Variants in FOXP1 observed in about 807,000 individuals in gnomAD.
FOXP1 encodes forkhead box P1.
A neutral mutation model predicts 98.2 loss-of-function variants in FOXP1; 15 were observed. The ratio of observed to expected loss-of-function variants is 0.15; its 90% CI spans 0.10 to 0.24. The LOEUF (loss-of-function observed/expected upper bound fraction) is 0.24. Among genes scored for constraint, FOXP1 ranks in the 10% least tolerant of loss-of-function variants. The pLI, the probability that FOXP1 is intolerant of heterozygous loss-of-function variation, is 1.00. For missense variants in FOXP1, 633 were observed against 848.5 expected (o/e 0.75, Z 3.15); for synonymous variants, 371 against 314.5 (o/e 1.18, Z -1.90).
chr3:71,529,207 C>T (rs1179440241), intron 2 of FOXP1, among the ~76,000 whole-genome samples: 1 of 152,196 alleles, frequency 6.6e-6, no homozygotes, highest in Non-Finnish European at 1.5e-5. Flanking sequence ...AAAAAGTTTT[C>T]AGTTTGTTAG....
chr3:71,256,900 C>T (rs2068672408), intron 5 of FOXP1, among the ~76,000 whole-genome samples: 1 of 152,190 alleles, frequency 6.6e-6, no homozygotes, highest in South Asian at 2.1e-4. Context: ...AAGATACTGG[C>T]ACTTCCTATA....
chr3:71,095,100 G>A (rs371163101), intron 7 of FOXP1, among the ~76,000 whole-genome samples: 1 of 152,218 alleles, frequency 6.6e-6, no homozygotes, highest in South Asian at 2.1e-4. Context: ...ATAGAGCTGC[G>A]TAGGCAGCGA....
chr3:71,046,849 G>T, intron 10 of FOXP1, 93 bp downstream of exon 10: 1 of 1,390,890 alleles, frequency 7.2e-7, no homozygotes, highest in Non-Finnish European at 1.0e-6. Flanking sequence ...ATGTTTTGAT[G>T]GACAATGTCC....
At position 71,174,422 on chromosome 3, in the gene FOXP1, AAAAC is replaced by A. The variant is rs373399480; in HGVS notation, c.180+23776_180+23779del. Among the ~76,000 whole-genome samples, 30 of 152,278 alleles carry A rather than the reference AAAAC, an allele frequency of 2.0e-4. No homozygotes were observed. In the East Asian group the frequency reaches 3.5e-3, roughly 18 times the overall value. On this transcript the variant is annotated intron_variant, in intron 6 of 20. Coordinates refer to ENST00000649528, the MANE Select transcript of FOXP1 (RefSeq NM_001349338.3). ...GGCAACACGGCAAGATCCTGTCTCA[AAAAC>A]AAACAAACAAACAAAGGAAACCAGG...
At chr3:71,109,578 C>T (rs750425476) in intron 7 of FOXP1, among the ~76,000 whole-genome samples, 19 of 152,152 alleles carry the variant, frequency 1.2e-4, no homozygotes, top group Non-Finnish European at 2.2e-4. Flanking sequence ...TTAAGATTTG[C>T]TGTAGGATTT....
chr3:71,104,988 C>A (rs2057303582), intron 7 of FOXP1, among the ~76,000 whole-genome samples: 1 of 152,230 alleles, frequency 6.6e-6, no homozygotes, highest in South Asian at 2.1e-4. Context: ...CCAGTCTACA[C>A]AGTTGTAGAG....
intron 5 of FOXP1, among the ~76,000 whole-genome samples, chr3:71,217,463 T>C (rs145370522): frequency 6.6e-6 from 1 of 152,210 alleles, no homozygotes; most frequent in Non-Finnish European, 1.5e-5. Flanking sequence ...CTTAAAACTT[T>C]AATGATTTGT....
At chr3:71,426,843 A>G (rs1286755054) in intron 3 of FOXP1, among the ~76,000 whole-genome samples, 1 of 152,140 alleles carries the variant, frequency 6.6e-6, no homozygotes, top group Non-Finnish European at 1.5e-5. Flanking sequence ...CAGGCAGATC[A>G]CAAGGTCAAG....
intron 2 of FOXP1, among the ~76,000 whole-genome samples, chr3:71,498,835 A>G (rs1035380115): frequency 2.6e-5 from 4 of 152,152 alleles, no homozygotes; most frequent in African/African-American, 9.7e-5. Flanking sequence ...GGGCCTGAGA[A>G]TTTCTAGCAA....
chr3:71,490,194 T>C (rs1234996106), intron 3 of FOXP1, among the ~76,000 whole-genome samples: 3 of 151,962 alleles, frequency 2.0e-5, no homozygotes, highest in Non-Finnish European at 4.4e-5. Flanking sequence ...GCCTTGGAAA[T>C]GCACCTTGAG....
chr3:71,136,418 C>T (rs148579881), intron 6 of FOXP1, among the ~76,000 whole-genome samples: 2 of 152,298 alleles, frequency 1.3e-5, no homozygotes, highest in South Asian at 2.1e-4. Flanking sequence ...AAGTCAATTA[C>T]GCCTTTCAAC....
At chr3:71,309,213 T>A (rs1257232947) in intron 4 of FOXP1, among the ~76,000 whole-genome samples, 1 of 152,164 alleles carries the variant, frequency 6.6e-6, no homozygotes, top group Non-Finnish European at 1.5e-5. Context: ...CATCCATCCA[T>A]CACCAATTGC....
rs192104666 is a variant in FOXP1, at chr3:70,971,080, C to T, written c.1653-275G>A. On this transcript the variant is annotated intron_variant, in intron 18 of 20. Transcript: ENST00000649528. ...GGTCCTCCCTCCAGAGACCTCTCTG[C>T]AGATTTTTAGGAGTTAGCCTGACTC... The T allele has an allele frequency of 6.5e-5, 28 of 428,868 alleles. No homozygotes were observed. In the Admixed American group the frequency reaches 9.8e-4, roughly 15 times the overall value. 26.6% of individuals were successfully genotyped at this position (428,868 alleles called of 1,614,324 possible).
rs1386354185 is a variant in FOXP1, at chr3:71,130,790, C to G, written c.181-18153G>C. Reference sequence around the variant, plus strand: ...AATTCCTCAAGTAATTCTTCACTTTCAAAGTTGAAAGATCAGTTGGAGCTT... The same window carrying G: ...AATTCCTCAAGTAATTCTTCACTTTGAAAGTTGAAAGATCAGTTGGAGCTT... On this transcript the variant is annotated intron_variant, in intron 6 of 20. Transcript: ENST00000649528. The G allele has an allele frequency of 1.5e-5, 21 of 1,437,046 alleles. No homozygotes were observed. In the Admixed American group the frequency reaches 4.5e-4, roughly 31 times the overall value. 89.0% of individuals were successfully genotyped at this position (1,437,046 alleles called of 1,614,324 possible).
chr3:71,443,119 C>A (rs2086099419), intron 3 of FOXP1, among the ~76,000 whole-genome samples: 1 of 152,188 alleles, frequency 6.6e-6, no homozygotes, highest in African/African-American at 2.4e-5. Flanking sequence ...GTCTTGAACT[C>A]CTGACCTCAG....
intron 11 of FOXP1, among the ~76,000 whole-genome samples, chr3:71,029,137 G>A (rs758206210): frequency 2.6e-5 from 4 of 152,182 alleles, no homozygotes; most frequent in Non-Finnish European, 5.9e-5. Flanking sequence ...AGAGTGGCAA[G>A]TATAGAAGTA....
chr3:71,317,802 G>GA (rs747662717), intron 4 of FOXP1, among the ~76,000 whole-genome samples: 3 of 151,264 alleles, frequency 2.0e-5, no homozygotes, highest in South Asian at 2.1e-4. Flanking sequence ...TCCTGAGGAA[G>GA]AAAAAAAACC....
chr3:71,301,121 G>A (rs2073809874), intron 4 of FOXP1, among the ~76,000 whole-genome samples: 1 of 152,130 alleles, frequency 6.6e-6, no homozygotes, highest in Non-Finnish European at 1.5e-5. Flanking sequence ...AGAGGAAATT[G>A]GAGGTTTTCA....
intron 6 of FOXP1, among the ~76,000 whole-genome samples, chr3:71,178,088 C>T (rs1457443862): frequency 6.6e-6 from 1 of 150,824 alleles, no homozygotes; most frequent in Non-Finnish European, 1.5e-5. Context: ...CCTGCCTCGG[C>T]CTCCCAAAGT....
Sources: gnomAD v4.1 joint callset for allele counts (sites outside exome capture counted in the v4.1 genomes callset) on GRCh38, gnomAD v4.1.1 for gene constraint, MANE v1.5 for transcripts, NCBI Gene and HGNC (gene_info 2026-07-23, HGNC 2026-07-21) for gene names.